The following IL15RA variants were observed in gnomAD, a reference collection of about 807,000 sequenced individuals.
IL15RA encodes the protein interleukin-15 receptor subunit alpha.
IL15RA carries 26 observed loss-of-function variants against 24.2 expected under a neutral mutation model. That is an observed-to-expected ratio of 1.07 (90% CI 0.79 to 1.49). IL15RA has a LOEUF of 1.49. Ranked by LOEUF, IL15RA falls within the 40% of genes most tolerant of loss-of-function variation. IL15RA has a pLI of 0.00. For missense variants in IL15RA, 354 were observed against 356.4 expected (o/e 0.99, Z 0.05); for synonymous variants, 166 against 157.6 (o/e 1.05, Z -0.40).
chr10:5,960,196 G>A lies in IL15RA; in HGVS notation c.583+171C>T, dbSNP rs1002460257. On this transcript the variant is annotated intron_variant, in intron 4 of 6. Transcript: ENST00000379977. This position sits in a 1 kb window ranked among gnomAD's most constrained non-coding sequence, Gnocchi z 5.1. ...CTGCCCCAGCCACAGAGAAAGCCAC[G>A]GAGAAAGAGGTCAGGCCAGGACGCC... Among the ~76,000 whole-genome samples the A allele has an allele frequency of 6.6e-6, 1 of 152,218 alleles. No individual in the cohort carries two copies. Among genetic ancestry groups the A allele is most frequent in the Non-Finnish European group, 1.5e-5 (1 of 68,042 alleles).
At chr10:5,969,243 A>G (rs922995174) in intron 1 of IL15RA, among the ~76,000 whole-genome samples, 1 of 150,532 alleles carries the variant, frequency 6.6e-6, no homozygotes, top group African/African-American at 2.4e-5. Flanking sequence ...AATTAAATTA[A>G]TTTTTTAAAT....
Position 5,966,207 on chromosome 10 carries a change from T to A in IL15RA, c.221A>T (p.Glu74Val). The A allele has an allele frequency of 1.9e-6, 3 of 1,614,002 alleles. No individual in the cohort carries two copies. The highest frequency in any genetic ancestry group is 2.5e-6 in the Non-Finnish European group (3 of 1,179,872). Residue 74 changes from glutamate to valine, a missense_variant, in exon 2 of 7, where the codon GAG (glutamate) becomes GTG (valine). By Grantham distance (121) the Glu-to-Val change is moderately radical. Coordinates refer to ENST00000379977, the MANE Select transcript of IL15RA (RefSeq NM_002189.4). This position sits in a 1 kb window ranked among gnomAD's most constrained non-coding sequence, Gnocchi z 6.4. ...KRKAGTSSLT[E>V]CVLNKATNVA... is the part of the protein sequence containing the mutation. ...ATTCGTGGCCTTGTTCAACACGCAC[T>A]CCGTCAGGCTGGACGTGCCGGCTTT...
chr10:5,977,663 C>G (rs931299262), upstream of IL15RA: 11 of 1,245,676 alleles, frequency 8.8e-6, 1 homozygote. Context: ...AGATCCGTGA[C>G]TCAGCGTCCC....
Position 5,957,981 on chromosome 10 carries a change from GA to G in IL15RA, c.617-1528del, listed in dbSNP as rs1240327666. 1.3e-4 allele frequency among the ~76,000 whole-genome samples: 20 copies of G among 152,222 alleles called. 1 individual carries two copies. Among genetic ancestry groups the G allele is most frequent in the Admixed American group, 4.6e-4 (7 of 15,272 alleles). On this transcript the variant is annotated intron_variant, in intron 5 of 6. Coordinates refer to ENST00000379977, the MANE Select transcript of IL15RA (RefSeq NM_002189.4). ...AAATAGTTGTTGGAAAATGTATATA[GA>G]AAAAATGACCCCTGAACTTTATATG...
chr10:5,969,045 T>G, intron 1 of IL15RA: 2 of 1,365,094 alleles, frequency 1.5e-6, no homozygotes, highest in Non-Finnish European at 2.0e-6. Flanking sequence ...TGTTTCTGGC[T>G]GACTCACCAA....
At chr10:5,977,759 G>T, upstream of IL15RA, 1 of 779,482 alleles carries the variant, frequency 1.3e-6, no homozygotes, top group Non-Finnish European at 1.7e-6. Flanking sequence ...CGTGCCCGGT[G>T]GGGACCCAGG....
Position 5,959,010 on chromosome 10 carries a change from T to G in IL15RA, c.616+744A>C, listed in dbSNP as rs955466718. Among the ~76,000 whole-genome samples the G allele has an allele frequency of 2.0e-5, 3 of 152,098 alleles. No individual in the cohort carries two copies. Among genetic ancestry groups the G allele is most frequent in the African/African-American group, 7.2e-5 (3 of 41,416 alleles). On this transcript the variant is annotated intron_variant, in intron 5 of 6. Transcript: ENST00000379977. This position sits in a 1 kb window ranked among gnomAD's most constrained non-coding sequence, Gnocchi z 4.1. ...AGCTCTCCTCCCCTCCCTTCAGCTTTTTCTTTTAGTCTTGTAAACGCTTTC... is the reference window on the plus strand; with the variant it reads ...AGCTCTCCTCCCCTCCCTTCAGCTTGTTCTTTTAGTCTTGTAAACGCTTTC...
Position 5,966,076 on chromosome 10 carries a change from G to T in IL15RA, c.283+69C>A, listed in dbSNP as rs1487884816. 6.3e-6 allele frequency: 7 copies of T among 1,111,662 alleles called. No homozygotes were observed. In the East Asian group the frequency reaches 1.5e-4, roughly 23 times the overall value. 68.9% of individuals were successfully genotyped at this position (1,111,662 alleles called of 1,614,324 possible). On this transcript the variant is annotated intron_variant, in intron 2 of 6. Coordinates refer to ENST00000379977, the MANE Select transcript of IL15RA (RefSeq NM_002189.4). This position sits in a 1 kb window ranked among gnomAD's most constrained non-coding sequence, Gnocchi z 6.4. ...CACAGATCCCTTGACCCCTGAGATG[G>T]GGTCTTCTCTCTGTGCAGCCTTGGC...
chr10:5,969,418 C>T (rs897647514), intron 1 of IL15RA, among the ~76,000 whole-genome samples: 17 of 151,594 alleles, frequency 1.1e-4, no homozygotes, highest in African/African-American at 3.4e-4. Context: ...TGTCTCCCAG[C>T]GGGGAGTGCA....
At position 5,968,836 on chromosome 10, in the gene IL15RA, G is replaced by T; in HGVS notation, c.89-2497C>A. The T allele has an allele frequency of 1.2e-6, 1 of 850,654 alleles. No individual in the cohort carries two copies. Among genetic ancestry groups the T allele is most frequent in the Non-Finnish European group, 1.9e-6 (1 of 520,768 alleles). 52.7% of individuals were successfully genotyped at this position (850,654 alleles called of 1,614,324 possible). On this transcript the variant is annotated intron_variant, in intron 1 of 6. Transcript: ENST00000379977. This position sits in a 1 kb window ranked among gnomAD's most constrained non-coding sequence, Gnocchi z 5.4. ...TGGGGGCAGTTTTCCATTGTCCTGA[G>T]TCTCACGCAGGCCTCGTGTGTCTGG...
upstream of IL15RA, chr10:5,977,763 AC>A: frequency 1.4e-6 from 1 of 736,902 alleles, no homozygotes; most frequent in Non-Finnish European, 1.9e-6. Flanking sequence ...CCCGGTGGGG[AC>A]CCAGGACCTT....
chr10:5,975,571 C>T lies in IL15RA; in HGVS notation c.88+1834G>A, dbSNP rs1191709833. Among the ~76,000 whole-genome samples the T allele has an allele frequency of 2.1e-5, 3 of 145,706 alleles. No individual in the cohort carries two copies. The highest frequency in any genetic ancestry group is 4.6e-5 in the Non-Finnish European group (3 of 65,294). On this transcript the variant is annotated intron_variant, in intron 1 of 6. Coordinates refer to ENST00000379977, the MANE Select transcript of IL15RA (RefSeq NM_002189.4). The surrounding 1 kb of genome is among the most constrained non-coding windows in gnomAD (Gnocchi z 4.8). ...TGCAGTTTATTGTCGGTCAATTATA[C>T]CTCAATAAGGCTGTTAAAGGGAAAA...
chr10:5,977,203 T>C (rs1838593351), intron 1 of IL15RA: 2 of 354,468 alleles, frequency 5.6e-6, no homozygotes, highest in Admixed American at 4.7e-5. Flanking sequence ...GGCGGCGCTC[T>C]CCCTGCGACC....
rs1054838041 is a variant in IL15RA at position 5,954,233 on chromosome 10, G to A, written c.693-1027C>T. The stretch of plus-strand genomic sequence containing the variant: ...GTCTCCCAGGCTGGAGTGCAGTGGT[G>A]TGATGCTGGCTTGCTGCAGCCTCTG... On this transcript the variant is annotated intron_variant, in intron 6 of 6. Transcript: ENST00000379977. Among the ~76,000 whole-genome samples the A allele has an allele frequency of 2.7e-5, 4 of 146,556 alleles. No homozygotes were observed. In the Admixed American group the frequency reaches 2.8e-4, roughly 10 times the overall value.
At chr10:5,950,257 AG>A (rs1247831347), downstream of IL15RA, among the ~76,000 whole-genome samples, 2 of 152,160 alleles carry the variant, frequency 1.3e-5, no homozygotes, top group Non-Finnish European at 2.9e-5. The surrounding 1 kb of genome is among the most constrained non-coding windows in gnomAD (Gnocchi z 5.6). Context: ...TGGGGACTGA[AG>A]GCCTCACAGC....
At chr10:5,949,659 A>C (rs902900414), downstream of IL15RA, among the ~76,000 whole-genome samples, 1 of 152,208 alleles carries the variant, frequency 6.6e-6, no homozygotes, top group African/African-American at 2.4e-5. The surrounding 1 kb of genome is among the most constrained non-coding windows in gnomAD (Gnocchi z 4.4). Flanking sequence ...CCCACTTCCT[A>C]ATGTCTGAAG....
In IL15RA at chr10:5,975,385, T is replaced by C. The variant is rs1838261544; in HGVS notation, c.88+2020A>G. Among the ~76,000 whole-genome samples, 1 of 151,952 alleles carries C rather than the reference T, an allele frequency of 6.6e-6. No individual in the cohort carries two copies. The highest frequency in any genetic ancestry group is 1.5e-5 in the Non-Finnish European group (1 of 68,022). ...TTTATAAAAAATTTTAGAAAGTGCA[T>C]CAAATTGCCTGGGAGATGGGCGAGG... On this transcript the variant is annotated intron_variant, in intron 1 of 6. Transcript: ENST00000379977. The surrounding 1 kb of genome is among the most constrained non-coding windows in gnomAD (Gnocchi z 4.8).
upstream of IL15RA, chr10:5,977,799 CG>C: frequency 2.2e-6 from 1 of 452,014 alleles, no homozygotes; most frequent in East Asian, 3.6e-5. Context: ...GGGAGCCTCC[CG>C]GTCCTCCGCG....
chr10:5,970,302 C>A lies in IL15RA; in HGVS notation c.89-3963G>T, dbSNP rs1316467333. On this transcript the variant is annotated intron_variant, in intron 1 of 6. Coordinates refer to ENST00000379977, the MANE Select transcript of IL15RA (RefSeq NM_002189.4). This position sits in a 1 kb window ranked among gnomAD's most constrained non-coding sequence, Gnocchi z 4.1. ...GCAGACTTCCAGTCTCTCCCCCAAG[C>A]CCTTGTGCTATTGTTCTATGTTTTG... Among the ~76,000 whole-genome samples the A allele has an allele frequency of 2.0e-5, 3 of 152,198 alleles. No individual in the cohort carries two copies. The highest frequency in any genetic ancestry group is 7.2e-5 in the African/African-American group (3 of 41,450).
Sources: allele counts gnomAD v4.1 joint callset (sites outside exome capture counted in the v4.1 genomes callset), GRCh38; gene constraint gnomAD v4.1.1; non-coding constraint Gnocchi (gnomAD v3.1); transcripts MANE v1.5; gene names NCBI Gene and HGNC (gene_info 2026-07-23, HGNC 2026-07-21).